The following LUZP2 variants were observed in gnomAD, a reference collection of about 807,000 sequenced individuals.
The protein encoded by LUZP2 is leucine zipper protein 2.
Under a neutral mutation model 51.6 loss-of-function variants are expected in LUZP2, and 52 were observed. The observed-to-expected ratio is 1.01, with a 90% confidence interval of 0.81 to 1.27. LUZP2 has a LOEUF of 1.27. LUZP2 is among the 50% of genes most tolerant of loss of function. The pLI, the probability that LUZP2 is intolerant of heterozygous loss-of-function variation, is 0.00. For missense variants in LUZP2, 436 were observed against 395.4 expected, an observed-to-expected ratio of 1.10 and a Z score of -0.87; for synonymous variants, 154 against 137.3, an observed-to-expected ratio of 1.12 and a Z score of -0.85.
At chr11:24,539,245 GTAAGTCTT>G in intron 1 of LUZP2, among the ~76,000 whole-genome samples, 1 of 151,910 alleles carries the variant, frequency 6.6e-6, no homozygotes. Context: ...ATATCTACCT[GTAAGTCTT>G]TTATTCCAAT....
intron 8 of LUZP2, among the ~76,000 whole-genome samples, chr11:24,980,771 A>C (rs1856007275): frequency 6.6e-6 from 1 of 151,700 alleles, no homozygotes. Flanking sequence ...TGAGACATAC[A>C]TTTTAAGTGG....
rs569571631 is a variant in LUZP2, at chr11:24,507,777, G to A, written c.62+10472G>A. On this transcript the variant is annotated intron_variant, in intron 1 of 11. Transcript: ENST00000336930. The stretch of plus-strand genomic sequence containing the variant: ...CAAAATGAGGAGAAGTAATATTTAC[G>A]TGGTAAAAATTAAAGTTTTGATCAT... Among the ~76,000 whole-genome samples the A allele has an allele frequency of 2.5e-4, 38 of 152,052 alleles. 1 individual carries two copies. Among genetic ancestry groups the A allele is most frequent in the Non-Finnish European group, 4.0e-4 (27 of 67,918 alleles).
intron 1 of LUZP2, among the ~76,000 whole-genome samples, chr11:24,519,669 A>G: frequency 6.6e-6 from 1 of 152,176 alleles, no homozygotes; most frequent in East Asian, 1.9e-4. Context: ...CTGTCTTTTC[A>G]TGTCTTGGTT....
intron 6 of LUZP2, among the ~76,000 whole-genome samples, chr11:24,906,736 A>G (rs1660524288): frequency 6.6e-6 from 1 of 152,150 alleles, no homozygotes; most frequent in Admixed American, 6.5e-5. Flanking sequence ...TCACTGTTTT[A>G]GCTGCATCCT....
intron 5 of LUZP2, among the ~76,000 whole-genome samples, chr11:24,807,465 G>GAAAA (rs56048182): frequency 7.2e-6 from 1 of 139,524 alleles, no homozygotes; most frequent in African/African-American, 2.7e-5. Context: ...CATCTCAAAA[G>GAAAA]AAAAAAAAAA....
chr11:25,038,416 A>C (rs548372441), intron 9 of LUZP2, among the ~76,000 whole-genome samples: 1 of 152,242 alleles, frequency 6.6e-6, no homozygotes, highest in Non-Finnish European at 1.5e-5. Context: ...TCAAGTCTAC[A>C]TAACAACCAG....
At chr11:24,794,371 T>C (rs1849491562) in intron 5 of LUZP2, among the ~76,000 whole-genome samples, 1 of 152,142 alleles carries the variant, frequency 6.6e-6, no homozygotes, top group Admixed American at 6.6e-5. Flanking sequence ...TAGTGGAGAA[T>C]GAATGTGTGC....
At chr11:24,800,185 C>T (rs1849658130) in intron 5 of LUZP2, among the ~76,000 whole-genome samples, 1 of 152,076 alleles carries the variant, frequency 6.6e-6, no homozygotes, top group Non-Finnish European at 1.5e-5. Flanking sequence ...CCTACACACG[C>T]TCCATACATG....
chr11:24,833,946 A>G (rs1302182046), intron 5 of LUZP2, among the ~76,000 whole-genome samples: 1 of 152,202 alleles, frequency 6.6e-6, no homozygotes, highest in African/African-American at 2.4e-5. Context: ...TGTCTGGGTT[A>G]TTATCCCATA....
chr11:24,817,681 G>C (rs2134150301), intron 5 of LUZP2, among the ~76,000 whole-genome samples: 1 of 152,058 alleles, frequency 6.6e-6, no homozygotes, highest in Non-Finnish European at 1.5e-5. Flanking sequence ...TGAGGGATTG[G>C]TATTTTTTTC....
At chr11:24,938,491 C>A (rs2133845502) in intron 7 of LUZP2, among the ~76,000 whole-genome samples, 1 of 152,104 alleles carries the variant, frequency 6.6e-6, no homozygotes, top group East Asian at 1.9e-4. Flanking sequence ...CTATCTTGGG[C>A]AAATTTGATA....
chr11:24,539,199 G>T (rs1418101374), intron 1 of LUZP2, among the ~76,000 whole-genome samples: 1 of 151,746 alleles, frequency 6.6e-6, no homozygotes, highest in Non-Finnish European at 1.5e-5. Flanking sequence ...TCTCTTGTTA[G>T]AACACAAGTC....
Position 25,021,425 on chromosome 11 carries a change from T to TTGTG in LUZP2, c.766-28593_766-28590dup, listed in dbSNP as rs3992972. On this transcript the variant is annotated intron_variant, in intron 9 of 11. Transcript: ENST00000336930. Reference sequence around the variant, plus strand: ...TATTGTCCATGCATGTGCACACAGGTTGTGTGTGTGTGTGTGTGTGTGTAC... The same window carrying TTGTG: ...TATTGTCCATGCATGTGCACACAGGTTGTGTGTGTGTGTGTGTGTGTGTGTGTAC... Among the ~76,000 whole-genome samples the TTGTG allele has an allele frequency of 5.4e-3, 806 of 149,746 alleles. 4 individuals are homozygous for TTGTG. Among genetic ancestry groups the TTGTG allele is most frequent in the East Asian group, 0.025 (127 of 5,002 alleles).
chr11:24,794,690 G>A (rs1023339993), intron 5 of LUZP2, among the ~76,000 whole-genome samples: 40 of 152,122 alleles, frequency 2.6e-4, no homozygotes, highest in African/African-American at 8.2e-4. Flanking sequence ...TTTGCTGATT[G>A]TGTCAATTTT....
intron 10 of LUZP2, among the ~76,000 whole-genome samples, chr11:25,062,080 G>GAAAAACA (rs1781671879): frequency 6.9e-6 from 1 of 145,984 alleles, no homozygotes; most frequent in African/African-American, 2.5e-5. Context: ...AAGAAGAAAG[G>GAAAAACA]AAAAACAAAA....
At chr11:24,594,334 G>C (rs1484848279) in intron 1 of LUZP2, among the ~76,000 whole-genome samples, 1 of 152,158 alleles carries the variant, frequency 6.6e-6, no homozygotes, top group Non-Finnish European at 1.5e-5. Context: ...AACTAATAGT[G>C]CTCTTAAGAA....
intron 4 of LUZP2, among the ~76,000 whole-genome samples, chr11:24,740,989 A>G (rs1475903005): frequency 1.3e-5 from 2 of 152,112 alleles, no homozygotes; most frequent in Admixed American, 6.6e-5. Context: ...CTAACCATTT[A>G]AAACCTTTGT....
chr11:24,966,936 G>T (rs1191063532), intron 7 of LUZP2, among the ~76,000 whole-genome samples: 2 of 148,354 alleles, frequency 1.3e-5, no homozygotes, highest in African/African-American at 2.5e-5. Flanking sequence ...ATCTCCAATT[G>T]CTTTCTCACT....
At chr11:25,027,884 AGG>A (rs142332218) in intron 9 of LUZP2, among the ~76,000 whole-genome samples, 72,601 of 139,636 alleles carry the variant, frequency 0.52, 18,583 homozygotes, top group African/African-American at 0.61. Flanking sequence ...AAAAAAAAAA[AGG>A]TGTTTAGATT....
Sources: allele counts gnomAD v4.1 joint callset (sites outside exome capture counted in the v4.1 genomes callset), GRCh38; gene constraint gnomAD v4.1.1; transcripts MANE v1.5; gene names NCBI Gene and HGNC (gene_info 2026-07-23, HGNC 2026-07-21).